Variants in PNKD observed in about 807,000 individuals in gnomAD.
PNKD encodes the protein probable thioesterase PNKD.
PNKD carries 36 observed loss-of-function variants against 45.3 expected under a neutral mutation model. The ratio of observed to expected loss-of-function variants is 0.80; its 90% CI spans 0.61 to 1.05. The LOEUF (loss-of-function observed/expected upper bound fraction) is 1.05, where lower values mean the gene tolerates loss of function less well. Among genes scored for constraint, PNKD ranks in the 50% least tolerant of loss-of-function variants. The pLI is 0.00. For missense variants in PNKD, 511 were observed against 506.6 expected (o/e 1.01, Z -0.08); for synonymous variants, 197 against 210.1 (o/e 0.94, Z 0.54).
At chr2:218,277,724 G>A (rs1691375396) in intron 2 of PNKD, 1 of 1,610,728 alleles carries the variant, frequency 6.2e-7, no homozygotes, top group Non-Finnish European at 8.5e-7. Context: ...GGAAGGCAGG[G>A]TGCTGGGGGA....
At position 218,341,528 on chromosome 2, in the gene PNKD, C is replaced by T. The variant is rs1472459931; in HGVS notation, c.525-6C>T. 6.3e-7 allele frequency: 1 copy of T among 1,586,406 alleles called. No homozygotes were observed. The highest frequency in any genetic ancestry group is 8.6e-7 in the Non-Finnish European group (1 of 1,164,648). ...AAGCCCCCTGCCTGTCTCTGCTGTC[C>T]TGCAGGGACCACAGTGGAGGGAACC... On this transcript the variant is annotated splice_region_variant and splice_polypyrimidine_tract_variant and intron_variant, in intron 5 of 9. Transcript: ENST00000273077.
At position 218,271,000 on chromosome 2, in the gene PNKD, G is replaced by A. The variant is rs1474963681; in HGVS notation, c.68-381G>A. ...GTTTCCTCTTCCGTACAGTGCAAGG[G>A]ATGGAGTAGACTATCTTTAAGGTCC... is the stretch of plus-strand genomic sequence containing the variant. On this transcript the variant is annotated intron_variant, in intron 1 of 9. Coordinates refer to ENST00000273077, the MANE Select transcript of PNKD (RefSeq NM_015488.5). The A allele has an allele frequency of 1.3e-5, 6 of 445,618 alleles. No individual in the cohort carries two copies. The East Asian group carries it at 2.6e-4, about 20-fold the overall frequency. 27.6% of individuals were successfully genotyped at this position (445,618 alleles called of 1,614,324 possible).
At chr2:218,339,056 A>G (rs1164009418) in intron 2 of PNKD, among the ~76,000 whole-genome samples, 2 of 151,562 alleles carry the variant, frequency 1.3e-5, no homozygotes, top group Admixed American at 6.6e-5. Context: ...CTTCCCTCCC[A>G]AGGTGCTGGG....
chr2:218,277,425 C>G, intron 2 of PNKD: 2 of 1,614,134 alleles, frequency 1.2e-6, no homozygotes, highest in African/African-American at 1.3e-5. Context: ...ATGATCATTG[C>G]AATGATGACG....
At chr2:218,324,665 T>G (rs1272106476) in intron 2 of PNKD, among the ~76,000 whole-genome samples, 1 of 152,152 alleles carries the variant, frequency 6.6e-6, no homozygotes, top group Non-Finnish European at 1.5e-5. Flanking sequence ...CCAGGTGCGG[T>G]GGCTCACGCC....
chr2:218,341,002 C>A (rs377129029), intron 5 of PNKD: 7 of 605,078 alleles, frequency 1.2e-5, no homozygotes, highest in East Asian at 5.6e-5. Context: ...GAGGGCAGGG[C>A]AGTCATTTCT....
At chr2:218,331,036 C>T (rs541576695) in intron 2 of PNKD, among the ~76,000 whole-genome samples, 105 of 152,358 alleles carry the variant, frequency 6.9e-4, no homozygotes, top group African/African-American at 2.2e-3. Flanking sequence ...GAAGCCGTAT[C>T]TCTGGTAATG....
Position 218,341,236 on chromosome 2 carries a change from ACAGG to A in PNKD, c.525-297_525-294del, listed in dbSNP as rs536206353. Among the ~76,000 whole-genome samples, 9 of 152,362 alleles carry A rather than the reference ACAGG, an allele frequency of 5.9e-5. No individual in the cohort carries two copies. In the South Asian group the frequency reaches 1.7e-3, roughly 28 times the overall value. On this transcript the variant is annotated intron_variant, in intron 5 of 9. Transcript: ENST00000273077. ...ATGTGATATTTAGGTAACAGTTGGC[ACAGG>A]GAACAGGGATGGGAGGCCCAGGCAC...
chr2:218,312,527 G>A (rs1347612628), intron 2 of PNKD, among the ~76,000 whole-genome samples: 1 of 149,990 alleles, frequency 6.7e-6, no homozygotes, highest in African/African-American at 2.5e-5. Context: ...GGTGAAGAAT[G>A]GATATTGACC....
At chr2:218,308,534 A>C (rs1435714445) in intron 2 of PNKD, among the ~76,000 whole-genome samples, 2 of 150,628 alleles carry the variant, frequency 1.3e-5, no homozygotes, top group East Asian at 3.9e-4. Flanking sequence ...CAATCGTATC[A>C]GTTATTCAAA....
intron 2 of PNKD, 53 bp from the exon 3 acceptor site, chr2:218,339,730 C>T (rs1574717550): frequency 9.1e-7 from 1 of 1,092,980 alleles, no homozygotes; most frequent in Admixed American, 1.7e-5. Context: ...ACGAAGGAGT[C>T]TAGGGGAGCT....
intron 6 of PNKD, 24 bp from the exon 7 acceptor site, chr2:218,341,957 G>C (rs2106295397): frequency 6.3e-7 from 1 of 1,597,506 alleles, no homozygotes; most frequent in South Asian, 1.1e-5. Context: ...AATACCTTCT[G>C]TCCCCTGCTC....
chr2:218,336,087 T>C (rs943319646), intron 2 of PNKD, among the ~76,000 whole-genome samples: 1 of 151,762 alleles, frequency 6.6e-6, no homozygotes, highest in African/African-American at 2.4e-5. Flanking sequence ...TGGTGGTGGG[T>C]GCCTGTAATC....
At position 218,275,220 on chromosome 2, in the gene PNKD, G is replaced by A. The variant is rs1002727986; in HGVS notation, c.236+3671G>A. 96 of 373,430 alleles carry A rather than the reference G, an allele frequency of 2.6e-4. 1 individual carries two copies. Among genetic ancestry groups the A allele is most frequent in the African/African-American group, 1.1e-3 (55 of 48,088 alleles). The allele number at this position is 373,430 out of a possible 1,614,324, so 23.1% of individuals were successfully genotyped here. On this transcript the variant is annotated intron_variant, in intron 2 of 9. Coordinates refer to ENST00000273077, the MANE Select transcript of PNKD (RefSeq NM_015488.5). ...AATGTGGTGTCATACAGTAGGTGGC[G>A]GGGAGAAGACACATCTTCAGCCTAG...
intron 2 of PNKD, among the ~76,000 whole-genome samples, chr2:218,295,558 G>T (rs1693121872): frequency 6.6e-6 from 1 of 152,056 alleles, no homozygotes; most frequent in African/African-American, 2.4e-5. Flanking sequence ...AGGGGAGAAG[G>T]TTCTCCAGGC....
intron 2 of PNKD, chr2:218,278,696 G>A (rs1691523676): frequency 3.1e-6 from 3 of 981,662 alleles, no homozygotes; most frequent in Non-Finnish European, 4.8e-6. Flanking sequence ...CAGGAAGCAA[G>A]AACGAGATTA....
At chr2:218,300,513 A>C (rs965142229) in intron 2 of PNKD, among the ~76,000 whole-genome samples, 18 of 151,460 alleles carry the variant, frequency 1.2e-4, no homozygotes, top group African/African-American at 4.4e-4. Context: ...CTGCTTCAGT[A>C]GGTTGAGAGT....
At chr2:218,277,959 C>G (rs1226746238) in intron 2 of PNKD, 2 of 1,614,170 alleles carry the variant, frequency 1.2e-6, no homozygotes, top group Admixed American at 3.3e-5. Context: ...GAATGATGTT[C>G]CATGGGAAAC....
chr2:218,302,175 T>C (rs376695937), intron 2 of PNKD, among the ~76,000 whole-genome samples: 3 of 152,224 alleles, frequency 2.0e-5, no homozygotes, highest in East Asian at 3.9e-4. Context: ...CGGTGAAACC[T>C]GTCTCTACTA....
Sources: allele counts gnomAD v4.1 joint callset (sites outside exome capture counted in the v4.1 genomes callset), GRCh38; gene constraint gnomAD v4.1.1; transcripts MANE v1.5; gene names NCBI Gene and HGNC (gene_info 2026-07-23, HGNC 2026-07-21).